PRLR: variants seen among roughly 807,000 people sequenced by gnomAD.
The protein encoded by PRLR is prolactin receptor.
Under a neutral mutation model 40.2 loss-of-function variants are expected in PRLR, and 13 were observed. The ratio of observed to expected loss-of-function variants is 0.32; its 90% CI spans 0.21 to 0.51. The LOEUF (loss-of-function observed/expected upper bound fraction) is 0.51, where lower values mean the gene tolerates loss of function less well. PRLR is among the 20% of genes least tolerant of loss of function. The pLI, the probability that PRLR is intolerant of heterozygous loss-of-function variation, is 0.97. For synonymous variants in PRLR, 269 were observed against 278.7 expected (o/e 0.97, Z 0.35); for missense variants, 656 against 747.3 (o/e 0.88, Z 1.42).
At chr5:35,193,878 C>G (rs1341364330) in intron 1 of PRLR, among the ~76,000 whole-genome samples, 1 of 152,064 alleles carries the variant, frequency 6.6e-6, no homozygotes, top group Non-Finnish European at 1.5e-5. Flanking sequence ...GAGCTGGATT[C>G]TTACTCTGAG....
At chr5:35,132,500 C>T (rs117895332) in intron 1 of PRLR, among the ~76,000 whole-genome samples, 3,954 of 152,246 alleles carry the variant, frequency 0.026, 88 homozygotes, top group Middle Eastern at 0.092. Context: ...TTATGTAACC[C>T]GTGTTCTTTT....
At chr5:35,139,308 T>A (rs529215469) in intron 1 of PRLR, among the ~76,000 whole-genome samples, 19 of 152,164 alleles carry the variant, frequency 1.2e-4, no homozygotes, top group African/African-American at 4.3e-4. Flanking sequence ...CTAATTTTTG[T>A]ATTTTTAGTA....
chr5:35,209,095 G>T (rs988818730), intron 1 of PRLR, among the ~76,000 whole-genome samples: 7 of 151,196 alleles, frequency 4.6e-5, no homozygotes, highest in African/African-American at 1.7e-4. Context: ...ATCTATTCCT[G>T]ATTCTTTTTA....
intron 1 of PRLR, among the ~76,000 whole-genome samples, chr5:35,135,067 T>A (rs2111793900): frequency 6.6e-6 from 1 of 151,242 alleles, no homozygotes; most frequent in Admixed American, 6.6e-5. Context: ...AAAAATGTAA[T>A]TTAATGTCAT....
chr5:35,123,402 A>C (rs915448893), intron 1 of PRLR, among the ~76,000 whole-genome samples: 1 of 151,962 alleles, frequency 6.6e-6, no homozygotes, highest in Admixed American at 6.6e-5. Context: ...GACTAAAAAC[A>C]TAAGTGACAT....
intron 5 of PRLR, among the ~76,000 whole-genome samples, chr5:35,074,179 G>C (rs1336321633): frequency 6.6e-6 from 1 of 152,150 alleles, no homozygotes; most frequent in African/African-American, 2.4e-5. Context: ...ATGTGGTAGA[G>C]GCCAGGCACA....
exon 9 of PRLR, chr5:35,048,898 G>A (rs1025406983): frequency 8.9e-6 from 3 of 338,612 alleles, no homozygotes; most frequent in African/African-American, 4.3e-5. Flanking sequence ...CAACTAGGGG[G>A]TCGAGGGACT....
intron 1 of PRLR, among the ~76,000 whole-genome samples, chr5:35,151,197 A>G (rs1774331452): frequency 1.3e-5 from 2 of 152,258 alleles, no homozygotes; most frequent in South Asian, 4.2e-4. Context: ...GGAGTGATAT[A>G]ATTCCCTTCC....
At chr5:35,167,101 T>C (rs1261540773) in intron 1 of PRLR, among the ~76,000 whole-genome samples, 1 of 152,066 alleles carries the variant, frequency 6.6e-6, no homozygotes, top group African/African-American at 2.4e-5. Context: ...TTCACACTAA[T>C]GCTGCTGCTA....
chr5:35,085,311 C>G (rs1770777723), intron 4 of PRLR, among the ~76,000 whole-genome samples: 1 of 152,190 alleles, frequency 6.6e-6, no homozygotes, highest in Non-Finnish European at 1.5e-5. Flanking sequence ...CATGATGTCC[C>G]TTTGGATTTC....
chr5:35,103,686 A>T (rs1772040142), intron 2 of PRLR, among the ~76,000 whole-genome samples: 1 of 152,240 alleles, frequency 6.6e-6, no homozygotes, highest in Non-Finnish European at 1.5e-5. Context: ...TGGCCTAGAA[A>T]ACATCCTATT....
At position 35,192,628 on chromosome 5, in the gene PRLR, G is replaced by C. The variant is rs1486930250; in HGVS notation, c.-106+37640C>G. Among the ~76,000 whole-genome samples the C allele has an allele frequency of 2.0e-5, 3 of 152,156 alleles. No homozygotes were observed. In the East Asian group the frequency reaches 5.8e-4, roughly 29 times the overall value. The stretch of plus-strand genomic sequence containing the variant: ...TTTCTCTCCACTACTACCAAATGCT[G>C]GATGTTGCCCTGAATATTCAGGACC... On this transcript the variant is annotated intron_variant, in intron 1 of 9. Coordinates refer to ENST00000618457, the MANE Select transcript of PRLR (RefSeq NM_000949.7).
downstream of PRLR, among the ~76,000 whole-genome samples, chr5:35,054,460 A>T (rs1217087208): frequency 6.6e-6 from 1 of 151,992 alleles, no homozygotes; most frequent in African/African-American, 2.4e-5. Context: ...AGTGGTATAC[A>T]CACAACTTTT....
chr5:35,222,111 T>C (rs1338311789), intron 1 of PRLR, among the ~76,000 whole-genome samples: 2 of 152,196 alleles, frequency 1.3e-5, no homozygotes, highest in Non-Finnish European at 2.9e-5. Context: ...GAGACCATCC[T>C]GGCCAACATG....
exon 9 of PRLR, chr5:35,049,240 G>C: frequency 1.4e-6 from 1 of 702,678 alleles, no homozygotes; most frequent in South Asian, 1.5e-5. Flanking sequence ...GTTGGACAGA[G>C]GGGAGAAAAT....
Position 35,102,486 on chromosome 5 carries a change from GTCTCCTCTCCACTCCTCTCCTCTCC to G in PRLR, c.-43-12848_-43-12824del, listed in dbSNP as rs1229793700. On this transcript the variant is annotated intron_variant, in intron 2 of 9. Transcript: ENST00000618457. ...GTCCCATCCCGTCCCGTCCCGTCCC[GTCTCCTCTCCACTCCTCTCCTCTCC>G]TCTCCTCTCCTCTCCTCTCCTCTCC... is the stretch of plus-strand genomic sequence containing the variant. Among the ~76,000 whole-genome samples the G allele has an allele frequency of 5.6e-5, 5 of 89,396 alleles. 1 individual carries two copies. Among genetic ancestry groups the G allele is most frequent in the African/African-American group, 2.1e-4 (5 of 23,654 alleles). The allele number at this position is 89,396 out of a possible 152,430, so 58.6% of individuals were successfully genotyped here.
At chr5:35,083,483 C>G (rs1001365989) in intron 5 of PRLR, among the ~76,000 whole-genome samples, 5 of 150,200 alleles carry the variant, frequency 3.3e-5, no homozygotes, top group African/African-American at 1.2e-4. Context: ...TGTGCACAGA[C>G]CATTGGTAGT....
intron 1 of PRLR, among the ~76,000 whole-genome samples, chr5:35,150,426 T>C (rs879499565): frequency 3.9e-5 from 6 of 152,210 alleles, no homozygotes; most frequent in Non-Finnish European, 7.3e-5. Flanking sequence ...CTGCCTAGAC[T>C]TACGCATTCT....
chr5:35,204,216 A>G lies in PRLR; in HGVS notation c.-106+26052T>C, dbSNP rs557222675. Among the ~76,000 whole-genome samples the G allele has an allele frequency of 9.3e-4, 138 of 147,816 alleles. 1 individual carries two copies. Among genetic ancestry groups the G allele is most frequent in the African/African-American group, 3.2e-3 (123 of 39,018 alleles). ...TGACAAGAGTAAAATTTCTGTCTCA[A>G]AAAAAAAAATAATAAATAAAATGAA... is the stretch of plus-strand genomic sequence containing the variant. On this transcript the variant is annotated intron_variant, in intron 1 of 9. Coordinates refer to ENST00000618457, the MANE Select transcript of PRLR (RefSeq NM_000949.7).
Sources: allele counts gnomAD v4.1 joint callset (sites outside exome capture counted in the v4.1 genomes callset), GRCh38; gene constraint gnomAD v4.1.1; transcripts MANE v1.5; gene names NCBI Gene and HGNC (gene_info 2026-07-23, HGNC 2026-07-21).